The following HPSE2 variants were observed in gnomAD, a reference collection of about 807,000 sequenced individuals.
The protein encoded by HPSE2 is heparanase 2 (inactive), also known as inactive heparanase-2.
Under a neutral mutation model 60.5 loss-of-function variants are expected in HPSE2, and 38 were observed. The observed-to-expected ratio is 0.63, with a 90% confidence interval of 0.48 to 0.82. The LOEUF is 0.82. Ranked by LOEUF, HPSE2 falls within the 40% of genes least tolerant of loss-of-function variation. The probability of loss-of-function intolerance (pLI) is 0.00; values close to 1 mark genes in which losing one functional copy is unlikely to be tolerated. For missense variants in HPSE2, 713 were observed against 740.4 expected, an observed-to-expected ratio of 0.96 and a Z score of 0.43; for synonymous variants, 295 against 293.2, an observed-to-expected ratio of 1.01 and a Z score of -0.06.
intron 6 of HPSE2, among the ~76,000 whole-genome samples, chr10:98,676,095 T>C (rs943628013): frequency 2.0e-5 from 3 of 151,938 alleles, no homozygotes; most frequent in African/African-American, 7.3e-5. Context: ...GGGGATTTCA[T>C]GCCTAGTAAG....
At chr10:99,090,818 A>AT (rs1843486898) in intron 3 of HPSE2, among the ~76,000 whole-genome samples, 1 of 152,120 alleles carries the variant, frequency 6.6e-6, no homozygotes, top group Non-Finnish European at 1.5e-5. Flanking sequence ...TTAAAAAAAA[A>AT]GGAATTTCCT....
At chr10:99,220,500 T>C (rs1849271538) in intron 2 of HPSE2, among the ~76,000 whole-genome samples, 1 of 152,092 alleles carries the variant, frequency 6.6e-6, no homozygotes, top group African/African-American at 2.4e-5. Flanking sequence ...TGGTTATACC[T>C]ATGGAGTAGA....
chr10:99,169,141 C>T (rs576710787), intron 2 of HPSE2, among the ~76,000 whole-genome samples: 23 of 143,888 alleles, frequency 1.6e-4, no homozygotes, highest in Admixed American at 1.0e-3. Context: ...TGTAGTGAGC[C>T]GAGATTGCGC....
intron 3 of HPSE2, among the ~76,000 whole-genome samples, chr10:98,819,338 T>A (rs1447427035): frequency 6.6e-6 from 1 of 151,960 alleles, no homozygotes; most frequent in Non-Finnish European, 1.5e-5. Flanking sequence ...TGAAAAAAAA[T>A]GCAAATGGTA....
intron 11 of HPSE2, among the ~76,000 whole-genome samples, chr10:98,478,465 A>C (rs1411979912): frequency 1.3e-5 from 2 of 152,130 alleles, no homozygotes; most frequent in African/African-American, 4.8e-5. Flanking sequence ...TCTCTTGTCC[A>C]ACCCCCGACT....
intron 2 of HPSE2, among the ~76,000 whole-genome samples, chr10:99,208,667 A>G (rs1421161008): frequency 6.7e-6 from 1 of 149,914 alleles, no homozygotes; most frequent in Non-Finnish European, 1.5e-5. Context: ...CCTGGGTGAC[A>G]GAGTGAGATC....
rs1046213949 is a variant in HPSE2, at chr10:98,552,278, T to A, written c.1321-62082A>T. ...GTGACCTTGGATAAGTTACTTAGCC[T>A]CTCTGTGTAATGGAGATCATCATCA... On this transcript the variant is annotated intron_variant, in intron 9 of 11. Coordinates refer to ENST00000370552, the MANE Select transcript of HPSE2 (RefSeq NM_021828.5). Among the ~76,000 whole-genome samples, 12 of 148,364 alleles carry A rather than the reference T, an allele frequency of 8.1e-5. No individual in the cohort carries two copies. In the Admixed American group the frequency reaches 8.4e-4, roughly 10 times the overall value.
chr10:99,086,936 TA>T (rs1210652117), intron 3 of HPSE2, among the ~76,000 whole-genome samples: 2 of 152,206 alleles, frequency 1.3e-5, no homozygotes, highest in Non-Finnish European at 2.9e-5. Flanking sequence ...CCCTAGCAAT[TA>T]TTAAACTCTA....
chr10:98,717,525 T>C (rs965395235), intron 5 of HPSE2, among the ~76,000 whole-genome samples: 7 of 152,036 alleles, frequency 4.6e-5, no homozygotes, highest in South Asian at 4.2e-4. Context: ...TCAGAGGCCA[T>C]TGTAGTGTTA....
chr10:98,824,671 T>C (rs1382219959), intron 3 of HPSE2, among the ~76,000 whole-genome samples: 2 of 152,230 alleles, frequency 1.3e-5, no homozygotes, highest in Admixed American at 6.5e-5. Context: ...AATTATTTTA[T>C]TCCCTTGAAC....
At chr10:99,221,603 A>C (rs1486023659) in intron 2 of HPSE2, among the ~76,000 whole-genome samples, 16 of 152,236 alleles carry the variant, frequency 1.1e-4, no homozygotes, top group Non-Finnish European at 1.5e-5. Context: ...ATAGCAAAGA[A>C]TCATAGAAAA....
intron 3 of HPSE2, among the ~76,000 whole-genome samples, chr10:98,775,125 A>C (rs1032026293): frequency 6.6e-5 from 10 of 152,238 alleles, no homozygotes; most frequent in African/African-American, 2.4e-4. Flanking sequence ...AAAGTATTAA[A>C]TGGAGCTGAG....
In HPSE2 at chr10:98,458,203, A is replaced by G. The variant is rs1321380242; in HGVS notation, c.*1371T>C. ...ATTCCTGTCCTTTCACAAACAGCAG[A>G]AATTGTATCACCGTCTCACTTGGAA... is the stretch of plus-strand genomic sequence containing the variant. On this transcript the variant is annotated 3_prime_UTR_variant, in exon 12 of 12. Transcript: ENST00000370552. The G allele has an allele frequency of 6.6e-6, 1 of 152,028 alleles. No individual in the cohort carries two copies. The highest frequency in any genetic ancestry group is 2.4e-5 in the African/African-American group (1 of 41,206). The allele number at this position is 152,028 out of a possible 1,614,324, so 9.4% of individuals were successfully genotyped here. A position where few individuals can be genotyped will look rare whatever the true frequency, so the allele number is the denominator to read the frequency against.
In HPSE2 at chr10:98,606,911, C is replaced by T. The variant is rs1449627970; in HGVS notation, c.1320+7993G>A. Among the ~76,000 whole-genome samples the T allele has an allele frequency of 5.9e-5, 9 of 152,272 alleles. No individual in the cohort carries two copies. The East Asian group carries it at 1.4e-3, about 23-fold the overall frequency. ...GTTCCTACAGGTCACAACCAGACATCGTTGTGCCCTTAATGTTTGCCAATA... is the reference window on the plus strand; with the variant it reads ...GTTCCTACAGGTCACAACCAGACATTGTTGTGCCCTTAATGTTTGCCAATA... On this transcript the variant is annotated intron_variant, in intron 9 of 11. Transcript: ENST00000370552.
At chr10:98,609,072 T>G (rs535110290) in intron 9 of HPSE2, among the ~76,000 whole-genome samples, 76 of 152,330 alleles carry the variant, frequency 5.0e-4, no homozygotes, top group Admixed American at 9.8e-4. Context: ...TGGAAGCTCC[T>G]CCCCAGACCC....
intron 6 of HPSE2, among the ~76,000 whole-genome samples, chr10:98,658,273 A>G (rs1947130453): frequency 6.6e-6 from 1 of 152,252 alleles, no homozygotes; most frequent in Non-Finnish European, 1.5e-5. Flanking sequence ...TGCTATGGCT[A>G]TATCAAAGCA....
chr10:98,648,265 G>A (rs1435034015), intron 6 of HPSE2, among the ~76,000 whole-genome samples: 1 of 152,144 alleles, frequency 6.6e-6, no homozygotes, highest in African/African-American at 2.4e-5. Flanking sequence ...CTTGATCCTA[G>A]CGGTGTTAAG....
intron 6 of HPSE2, among the ~76,000 whole-genome samples, chr10:98,654,384 T>C (rs987087544): frequency 6.6e-5 from 10 of 152,226 alleles, no homozygotes; most frequent in Non-Finnish European, 1.2e-4. Context: ...CATTTTGAAA[T>C]TGTCGCACAT....
At chr10:98,723,940 A>C (rs1419193843) in intron 4 of HPSE2, among the ~76,000 whole-genome samples, 1 of 152,080 alleles carries the variant, frequency 6.6e-6, no homozygotes, top group East Asian at 1.9e-4. Flanking sequence ...GATTTTTTGA[A>C]GGGTTTTTTG....
Sources: allele counts gnomAD v4.1 joint callset (sites outside exome capture counted in the v4.1 genomes callset), GRCh38; gene constraint gnomAD v4.1.1; transcripts MANE v1.5; gene names NCBI Gene and HGNC (gene_info 2026-07-23, HGNC 2026-07-21).